The following BBS9 variants were observed in gnomAD, a reference collection of about 807,000 sequenced individuals.
BBS9 encodes Bardet-Biedl syndrome 9, also known as protein PTHB1.
Under a neutral mutation model 117.7 loss-of-function variants are expected in BBS9, and 89 were observed. That is an observed-to-expected ratio of 0.76 (90% confidence interval 0.64 to 0.90). BBS9 has a LOEUF of 0.90. BBS9 is among the 40% of genes least tolerant of loss of function. BBS9 has a pLI of 0.00. For synonymous variants in BBS9, 379 were observed against 370.9 expected (o/e 1.02, Z -0.25); for missense variants, 982 against 1,042.2 (o/e 0.94, Z 0.80).
At chr7:33,188,039 A>G (rs1479006863) in intron 5 of BBS9, among the ~76,000 whole-genome samples, 2 of 149,420 alleles carry the variant, frequency 1.3e-5, no homozygotes, top group African/African-American at 4.9e-5. Flanking sequence ...TATGTGCAAA[A>G]CGATGCCCTA....
intron 5 of BBS9, among the ~76,000 whole-genome samples, chr7:33,236,123 T>G (rs559523049): frequency 1.8e-3 from 273 of 152,042 alleles, no homozygotes; most frequent in African/African-American, 6.3e-3. Flanking sequence ...GGTTGGGAGT[T>G]CAAGACCATC....
At chr7:33,341,319 G>A (rs1816507439) in intron 11 of BBS9, among the ~76,000 whole-genome samples, 1 of 152,058 alleles carries the variant, frequency 6.6e-6, no homozygotes, top group Non-Finnish European at 1.5e-5. Context: ...GAATAATACT[G>A]ACCCTACCAG....
chr7:33,305,487 T>C (rs1807692444), intron 9 of BBS9, among the ~76,000 whole-genome samples: 1 of 152,226 alleles, frequency 6.6e-6, no homozygotes, highest in African/African-American at 2.4e-5. Context: ...GTGGGATTGT[T>C]ATTACTTCCT....
In BBS9 at chr7:33,152,851, C is replaced by A. The variant is rs749974697; in HGVS notation, c.263C>A (p.Ser88Ter). 6.2e-7 allele frequency: 1 copy of A among 1,613,810 alleles called. No homozygotes were observed. Among genetic ancestry groups the A allele is most frequent in the South Asian group, 1.1e-5 (1 of 91,068 alleles). ...CAAGTGGAAGTAGGAAAGTTTGTTTCGTAAGTAAGCCCACTAATTCTGGTA... is the reference window on the plus strand; with the variant it reads ...CAAGTGGAAGTAGGAAAGTTTGTTTAGTAAGTAAGCCCACTAATTCTGGTA... ...VLQVEVGKFVSGTEMLHLAVL... is the reference protein window; with the variant it reads ...VLQVEVGKFV Residue 88 changes from serine (S) to a stop codon, truncating the protein, a stop_gained and splice_region_variant, in exon 3 of 23, where the codon TCA (serine) becomes TAA (stop). Transcript: ENST00000242067. LOFTEE classifies it high-confidence loss of function.
chr7:33,620,256 A>G (rs1202822544), intron 21 of BBS9, among the ~76,000 whole-genome samples: 1 of 152,102 alleles, frequency 6.6e-6, no homozygotes, highest in African/African-American at 2.4e-5. Context: ...CTAGAAACAT[A>G]CAACTTACCA....
intron 1 of BBS9, among the ~76,000 whole-genome samples, chr7:33,136,319 CT>C (rs1041814361): frequency 1.3e-5 from 2 of 152,088 alleles, no homozygotes; most frequent in African/African-American, 4.8e-5. Context: ...AGTTTTACTT[CT>C]TTTTTTCCAA....
At chr7:33,442,655 A>G (rs538616432) in intron 19 of BBS9, among the ~76,000 whole-genome samples, 2 of 152,350 alleles carry the variant, frequency 1.3e-5, no homozygotes, top group South Asian at 4.1e-4. Flanking sequence ...GCTAATTAGC[A>G]CCTCACAAAT....
At chr7:33,277,704 G>C (rs978690817) in intron 9 of BBS9, among the ~76,000 whole-genome samples, 5 of 152,104 alleles carry the variant, frequency 3.3e-5, no homozygotes, top group African/African-American at 1.2e-4. Flanking sequence ...GCAATCATAG[G>C]GGTGTGGGAA....
intron 3 of BBS9, among the ~76,000 whole-genome samples, chr7:33,153,837 C>G (rs1371843144): frequency 1.1e-4 from 16 of 152,176 alleles, no homozygotes. Context: ...TGGTAAATAT[C>G]TACTCCATCT....
intron 9 of BBS9, among the ~76,000 whole-genome samples, chr7:33,299,742 C>A: frequency 6.6e-6 from 1 of 152,066 alleles, no homozygotes; most frequent in Admixed American, 6.5e-5. Flanking sequence ...TCACACCAAA[C>A]AATAATTTTT....
chr7:33,189,566 G>C (rs887392428), intron 5 of BBS9, among the ~76,000 whole-genome samples: 2 of 151,230 alleles, frequency 1.3e-5, no homozygotes, highest in Non-Finnish European at 2.9e-5. Context: ...ACCACCATCT[G>C]GTTCTTTCTT....
intron 18 of BBS9, among the ~76,000 whole-genome samples, chr7:33,385,748 A>T (rs1825888149): frequency 6.6e-6 from 1 of 152,090 alleles, no homozygotes; most frequent in African/African-American, 2.4e-5. Context: ...TTTATTTTAA[A>T]ATATTTTTAT....
intron 20 of BBS9, among the ~76,000 whole-genome samples, chr7:33,530,599 CTTCAT>C (rs1446171432): frequency 6.6e-6 from 1 of 152,090 alleles, no homozygotes; most frequent in Non-Finnish European, 1.5e-5. Flanking sequence ...ACTATTTTGT[CTTCAT>C]TTATCTCTTC....
intron 9 of BBS9, among the ~76,000 whole-genome samples, chr7:33,284,015 G>T (rs936547345): frequency 1.3e-5 from 2 of 152,104 alleles, no homozygotes; most frequent in African/African-American, 4.8e-5. Context: ...TGTCTTCATT[G>T]GTTAGGAAGC....
At chr7:33,372,166 A>T (rs1822997134) in intron 17 of BBS9, among the ~76,000 whole-genome samples, 1 of 152,174 alleles carries the variant, frequency 6.6e-6, no homozygotes, top group South Asian at 2.1e-4. Flanking sequence ...TGAGAACAAG[A>T]GTTCAGAGAG....
At chr7:33,257,531 A>G in intron 6 of BBS9, 121 bp downstream of exon 6, 1 of 920,992 alleles carries the variant, frequency 1.1e-6, no homozygotes, top group South Asian at 1.4e-5. Context: ...CTTTGAAAAT[A>G]TGTGATTGTG....
At chr7:33,415,321 C>T (rs1399483685) in intron 19 of BBS9, among the ~76,000 whole-genome samples, 3 of 152,074 alleles carry the variant, frequency 2.0e-5, no homozygotes, top group Non-Finnish European at 4.4e-5. Context: ...CCCCATATTC[C>T]TTGAGTTTGG....
intron 5 of BBS9, among the ~76,000 whole-genome samples, chr7:33,243,646 A>C (rs1047829376): frequency 6.6e-6 from 1 of 152,116 alleles, no homozygotes; most frequent in Non-Finnish European, 1.5e-5. Context: ...GAAGAGAAAA[A>C]CTTTTTGTGT....
intron 1 of BBS9, among the ~76,000 whole-genome samples, chr7:33,132,735 C>G (rs1224622647): frequency 6.6e-6 from 1 of 152,150 alleles, no homozygotes; most frequent in Non-Finnish European, 1.5e-5. Context: ...CCACACCTAC[C>G]TGCTTATCTT....
Sources: allele counts gnomAD v4.1 joint callset (sites outside exome capture counted in the v4.1 genomes callset), GRCh38; gene constraint gnomAD v4.1.1; transcripts MANE v1.5; gene names NCBI Gene and HGNC (gene_info 2026-07-23, HGNC 2026-07-21).